ARL8B: variants seen among roughly 807,000 people sequenced by gnomAD.
The protein encoded by ARL8B is ADP-ribosylation factor-like protein 8B.
In ARL8B, 9 loss-of-function variants were observed where a neutral mutation model predicts 30.6. The ratio of observed to expected loss-of-function variants is 0.29; its 90% CI spans 0.18 to 0.51. ARL8B has a LOEUF of 0.51. Among genes scored for constraint, ARL8B ranks in the 20% least tolerant of loss-of-function variants. ARL8B has a pLI of 0.97. For missense variants in ARL8B, 130 were observed against 227.2 expected (o/e 0.57, Z 2.75); for synonymous variants, 74 against 76.0 (o/e 0.97, Z 0.14).
At chr3:5,125,889 TAAG>T (rs1311251642) in intron 1 of ARL8B, among the ~76,000 whole-genome samples, 1 of 151,888 alleles carries the variant, frequency 6.6e-6, no homozygotes, top group African/African-American at 2.4e-5. Context: ...TAGCTTCAGT[TAAG>T]AAAAAAAAAG....
intron 1 of ARL8B, among the ~76,000 whole-genome samples, chr3:5,167,461 G>A (rs953009773): frequency 6.6e-6 from 1 of 152,188 alleles, no homozygotes; most frequent in Non-Finnish European, 1.5e-5. Context: ...CATAGGGTTA[G>A]GTTCTATCTG....
At chr3:5,143,199 G>C (rs1294124146) in intron 1 of ARL8B, among the ~76,000 whole-genome samples, 2 of 152,200 alleles carry the variant, frequency 1.3e-5, no homozygotes, top group African/African-American at 2.4e-5. Context: ...AACCTGATTG[G>C]GTAGGGAGGA....
chr3:5,162,214 A>G (rs901706965), intron 1 of ARL8B, among the ~76,000 whole-genome samples: 10 of 152,264 alleles, frequency 6.6e-5, no homozygotes, highest in Non-Finnish European at 1.0e-4. Flanking sequence ...TATGAGAGCT[A>G]TAGCCACTTC....
In ARL8B at chr3:5,131,003, C is replaced by T. The variant is rs527586735; in HGVS notation, c.123+8415C>T. 7.9e-5 allele frequency among the ~76,000 whole-genome samples: 12 copies of T among 151,672 alleles called. No homozygotes were observed. The South Asian group carries it at 1.3e-3, about 16-fold the overall frequency. ...CATCCATGCTGGGAGTGCAGTGGCA[C>T]GGGGATTCAAGTGATTCTCCTGCCT... is the stretch of plus-strand genomic sequence containing the variant. On this transcript the variant is annotated intron_variant, in intron 1 of 6. Coordinates refer to ENST00000256496, the MANE Select transcript of ARL8B (RefSeq NM_018184.3).
chr3:5,150,486 A>ATAAATAAATAAT (rs2054472701), intron 1 of ARL8B, among the ~76,000 whole-genome samples: 2 of 151,776 alleles, frequency 1.3e-5, no homozygotes, highest in African/African-American at 4.8e-5. Flanking sequence ...AAATAAATAA[A>ATAAATAAATAAT]TAAATAAAGT....
At chr3:5,166,628 G>A (rs778290106) in intron 1 of ARL8B, among the ~76,000 whole-genome samples, 3 of 152,104 alleles carry the variant, frequency 2.0e-5, no homozygotes, top group African/African-American at 4.8e-5. Flanking sequence ...GTGAGCCACC[G>A]CGCCCAGCTG....
chr3:5,137,590 C>T (rs2054339039), intron 1 of ARL8B, among the ~76,000 whole-genome samples: 4 of 151,888 alleles, frequency 2.6e-5, no homozygotes, highest in Admixed American at 2.6e-4. Context: ...AGGCATGCAC[C>T]ACCATGCCTG....
In ARL8B at chr3:5,178,773, C is replaced by T; in HGVS notation, c.*60C>T. 1 of 1,607,668 alleles carries T rather than the reference C, an allele frequency of 6.2e-7. No homozygotes were observed. Among genetic ancestry groups the T allele is most frequent in the Non-Finnish European group, 8.5e-7 (1 of 1,179,056 alleles). On this transcript the variant is annotated 3_prime_UTR_variant, in exon 7 of 7. Coordinates refer to ENST00000256496, the MANE Select transcript of ARL8B (RefSeq NM_018184.3). ...ATAATCCTAGAATTATTGTCCGTTCCTCTGAAGTAATTCCCAGAATACGGT... is the reference window on the plus strand; with the variant it reads ...ATAATCCTAGAATTATTGTCCGTTCTTCTGAAGTAATTCCCAGAATACGGT...
chr3:5,158,880 A>G (rs1160191406), intron 1 of ARL8B, among the ~76,000 whole-genome samples: 1 of 151,844 alleles, frequency 6.6e-6, no homozygotes, highest in Non-Finnish European at 1.5e-5. Context: ...TTTAATGAAT[A>G]TGAAATTCAT....
chr3:5,177,247 T>G (rs1404301343), intron 6 of ARL8B, among the ~76,000 whole-genome samples: 1 of 152,200 alleles, frequency 6.6e-6, no homozygotes, highest in Non-Finnish European at 1.5e-5. Context: ...TTAGAACTCC[T>G]GGCTCACTTA....
At chr3:5,149,631 C>T (rs1309016450) in intron 1 of ARL8B, among the ~76,000 whole-genome samples, 3 of 152,204 alleles carry the variant, frequency 2.0e-5, no homozygotes, top group Admixed American at 2.0e-4. Flanking sequence ...TCCCCTTCCC[C>T]ACTTAAGTTT....
In ARL8B at chr3:5,154,215, ACTC is replaced by A. The variant is rs766186307; in HGVS notation, c.124-16287_124-16285del. On this transcript the variant is annotated intron_variant, in intron 1 of 6. Transcript: ENST00000256496. ...TTTTTCAAGTATTTTTTCCTGAATT[ACTC>A]TCTCTCTTATTCCAGGACTTTGACA... Among the ~76,000 whole-genome samples, 1,169 of 147,418 alleles carry A rather than the reference ACTC, an allele frequency of 7.9e-3. 8 individuals are homozygous for A. The highest frequency in any genetic ancestry group is 0.013 in the Non-Finnish European group (897 of 66,726).
At chr3:5,165,974 G>T (rs1295307339) in intron 1 of ARL8B, among the ~76,000 whole-genome samples, 2 of 151,728 alleles carry the variant, frequency 1.3e-5, no homozygotes, top group Non-Finnish European at 2.9e-5. Flanking sequence ...TACATCTCTG[G>T]TATATTAACC....
At chr3:5,134,692 TG>T (rs1301176742) in intron 1 of ARL8B, among the ~76,000 whole-genome samples, 2 of 152,220 alleles carry the variant, frequency 1.3e-5, no homozygotes, top group African/African-American at 4.8e-5. Flanking sequence ...GTGTGATCCT[TG>T]GTCCTCATAG....
intron 1 of ARL8B, among the ~76,000 whole-genome samples, chr3:5,169,915 G>A (rs1215368955): frequency 6.6e-6 from 1 of 152,194 alleles, no homozygotes; most frequent in African/African-American, 2.4e-5. Flanking sequence ...GTTGGAATTC[G>A]TTGTGCTCAA....
chr3:5,168,555 G>A (rs983126327), intron 1 of ARL8B, among the ~76,000 whole-genome samples: 2 of 152,232 alleles, frequency 1.3e-5, no homozygotes, highest in Admixed American at 1.3e-4. Flanking sequence ...ATGAACCCCT[G>A]AGAAAGCTCG....
chr3:5,174,958 A>G (rs935388687), intron 6 of ARL8B, among the ~76,000 whole-genome samples: 1 of 151,442 alleles, frequency 6.6e-6, no homozygotes, highest in Non-Finnish European at 1.5e-5. Flanking sequence ...GTGCACCACC[A>G]CGCCCGGCTA....
At chr3:5,144,493 C>T (rs1259261237) in intron 1 of ARL8B, among the ~76,000 whole-genome samples, 4 of 152,146 alleles carry the variant, frequency 2.6e-5, no homozygotes, top group Admixed American at 6.5e-5. Flanking sequence ...GCCTGGGGTC[C>T]CCATTGACTC....
intron 1 of ARL8B, among the ~76,000 whole-genome samples, chr3:5,149,539 T>A (rs957383508): frequency 5.9e-5 from 9 of 152,362 alleles, no homozygotes; most frequent in South Asian, 4.1e-4. Flanking sequence ...CTCCCCCAGT[T>A]CTTCATTGGT....
Sources: allele counts gnomAD v4.1 joint callset (sites outside exome capture counted in the v4.1 genomes callset), GRCh38; gene constraint gnomAD v4.1.1; transcripts MANE v1.5; gene names NCBI Gene and HGNC (gene_info 2026-07-23, HGNC 2026-07-21).